LRRC7: variants seen among roughly 807,000 people sequenced by gnomAD.
The protein encoded by LRRC7 is leucine-rich repeat-containing protein 7.
In LRRC7, 23 loss-of-function variants were observed where a neutral mutation model predicts 175.7. The observed-to-expected ratio is 0.13, with a 90% CI of 0.09 to 0.19. The LOEUF (loss-of-function observed/expected upper bound fraction) is 0.19. Among genes scored for constraint, LRRC7 ranks in the 10% least tolerant of loss-of-function variants. The pLI is 1.00. For synonymous variants in LRRC7, 685 were observed against 680.9 expected (o/e 1.01, Z -0.09); for missense variants, 1,354 against 1,904.7 (o/e 0.71, Z 5.38).
intron 25 of LRRC7, among the ~76,000 whole-genome samples, chr1:70,103,303 G>A (rs1664926414): frequency 6.6e-6 from 1 of 152,054 alleles, no homozygotes; most frequent in Admixed American, 6.5e-5. Context: ...GGACTTTGCA[G>A]ATGTGGTGAA....
chr1:70,058,722 A>G (rs1256727647), intron 23 of LRRC7, among the ~76,000 whole-genome samples: 1 of 152,238 alleles, frequency 6.6e-6, no homozygotes, highest in Non-Finnish European at 1.5e-5. Context: ...TTACTTGCCA[A>G]GCTCACCTGG....
chr1:69,904,575 T>C (rs1646237422), intron 7 of LRRC7, among the ~76,000 whole-genome samples: 1 of 58,974 alleles, frequency 1.7e-5, no homozygotes. Context: ...GTATTTCGAG[T>C]AACATAAAAA....
chr1:69,625,067 CATT>C (rs1651261074), intron 1 of LRRC7, among the ~76,000 whole-genome samples: 1 of 151,952 alleles, frequency 6.6e-6, no homozygotes, highest in African/African-American at 2.4e-5. Flanking sequence ...ATAAGGCTGG[CATT>C]ATTTTTTCTT....
chr1:69,894,258 C>T (rs1319281536), intron 7 of LRRC7, among the ~76,000 whole-genome samples: 1 of 152,200 alleles, frequency 6.6e-6, no homozygotes, highest in Non-Finnish European at 1.5e-5. Context: ...AATAAAGAAA[C>T]TAAAACACAA....
chr1:69,688,390 G>A (rs1400092008), intron 2 of LRRC7, among the ~76,000 whole-genome samples: 2 of 152,112 alleles, frequency 1.3e-5, no homozygotes, highest in Non-Finnish European at 2.9e-5. Flanking sequence ...ATGACCTGGT[G>A]CTACTGTGGT....
At chr1:69,689,601 T>G (rs1661591704) in intron 2 of LRRC7, among the ~76,000 whole-genome samples, 1 of 152,176 alleles carries the variant, frequency 6.6e-6, no homozygotes, top group African/African-American at 2.4e-5. Flanking sequence ...GTGCATTCAT[T>G]CCAGTCTTCC....
chr1:70,038,335 T>A lies in LRRC7; in HGVS notation c.2511T>A (p.Ser837=), dbSNP rs1659530578. The part of the protein sequence containing the change: ...ANSNPLLSSK[S]RSTSSHGRRP... Reference sequence around the variant, plus strand: ...GTAATCCTCTCTTAAGTTCGAAATCTAGAAGCACATCTTCGCATGGACGCA... The same window carrying A: ...GTAATCCTCTCTTAAGTTCGAAATCAAGAAGCACATCTTCGCATGGACGCA... The change falls in exon 21 of 27, where the codon TCT becomes TCA. Residue 837 remains serine (S), a synonymous_variant. Coordinates refer to ENST00000651989, the MANE Select transcript of LRRC7 (RefSeq NM_001370785.2). 7 of 1,614,138 alleles carry A rather than the reference T, an allele frequency of 4.3e-6. No individual in the cohort carries two copies. The highest frequency in any genetic ancestry group is 5.1e-6 in the Non-Finnish European group (6 of 1,180,020).
chr1:69,750,098 A>ATAAATAC (rs1252780270), intron 2 of LRRC7, among the ~76,000 whole-genome samples: 2 of 150,914 alleles, frequency 1.3e-5, no homozygotes, highest in African/African-American at 4.9e-5. Context: ...ATAAATAATA[A>ATAAATAC]TAACTGAAAA....
chr1:69,760,341 G>T lies in LRRC7; in HGVS notation c.251G>T (p.Arg84Leu). The T allele has an allele frequency of 6.2e-7, 1 of 1,612,730 alleles. No homozygotes were observed. Among genetic ancestry groups the T allele is most frequent in the South Asian group, 1.1e-5 (1 of 91,032 alleles). ...CCAAAGGAGGTCTTTAACTTCGAAC[G>T]AACATTAGAGGAGCTTTATCTAGAT... is the stretch of plus-strand genomic sequence containing the variant. ...QVPKEVFNFE[R>L]TLEELYLDAN... The change falls in exon 3 of 27, where the codon CGA becomes CTA. Residue 84 changes from arginine (R) to leucine (L), a missense_variant. Physicochemically the swap from Arg to Leu is moderately radical, Grantham distance 102. Around this residue, in one of 4 missense-constraint regions of LRRC7, gnomAD observed 201 missense variants for 481.4 expected, o/e 0.42. Coordinates refer to ENST00000651989, the MANE Select transcript of LRRC7 (RefSeq NM_001370785.2).
At chr1:69,755,451 C>T (rs868350413) in intron 2 of LRRC7, among the ~76,000 whole-genome samples, 10 of 144,788 alleles carry the variant, frequency 6.9e-5, no homozygotes, top group Middle Eastern at 3.7e-3. Flanking sequence ...TAAAAGGAGA[C>T]ATCAGCAGAT....
chr1:69,809,815 A>C (rs1335214860), intron 4 of LRRC7, among the ~76,000 whole-genome samples: 2 of 152,116 alleles, frequency 1.3e-5, no homozygotes, highest in Non-Finnish European at 2.9e-5. Flanking sequence ...CACAGCCATT[A>C]TACTGAATGG....
At chr1:69,889,034 A>G (rs1169214210) in intron 7 of LRRC7, among the ~76,000 whole-genome samples, 1 of 152,336 alleles carries the variant, frequency 6.6e-6, no homozygotes, top group African/African-American at 2.4e-5. Context: ...TAGTCTATTA[A>G]GTGTACAATA....
At chr1:70,013,246 T>C (rs1212262490) in intron 13 of LRRC7, among the ~76,000 whole-genome samples, 157 bp downstream of exon 13, 1 of 151,922 alleles carries the variant, frequency 6.6e-6, no homozygotes, top group Non-Finnish European at 1.5e-5. Flanking sequence ...AAATTATTTT[T>C]TAAACCAAGT....
intron 2 of LRRC7, among the ~76,000 whole-genome samples, chr1:69,695,288 C>T (rs1192558914): frequency 6.6e-6 from 1 of 152,158 alleles, no homozygotes; most frequent in Non-Finnish European, 1.5e-5. Context: ...TGAGTGATGA[C>T]TTAGAGTATC....
Position 70,039,121 on chromosome 1 carries a change from G to A in LRRC7, c.3297G>A (p.Gln1099=), listed in dbSNP as rs2102027888. The A allele has an allele frequency of 1.2e-6, 2 of 1,614,126 alleles. No homozygotes were observed. The highest frequency in any genetic ancestry group is 1.7e-6 in the Non-Finnish European group (2 of 1,180,006). ...AACACAATCCCGAGTACGTGCAACA[G>A]GCCAGCAAAAACATCGCCAAGGATT... ...PFQHNPEYVQ[Q]ASKNIAKDLI... The change falls in exon 21 of 27, where the codon CAG becomes CAA. Residue 1099 remains glutamine (Q), a synonymous_variant. Transcript: ENST00000651989.
At chr1:69,998,865 A>G (rs1250157830) in intron 11 of LRRC7, among the ~76,000 whole-genome samples, 1 of 152,294 alleles carries the variant, frequency 6.6e-6, no homozygotes, top group African/African-American at 2.4e-5. Context: ...AGGACCTCCC[A>G]GCTTTTTCTG....
chr1:70,088,844 T>C (rs1663805903), intron 24 of LRRC7, among the ~76,000 whole-genome samples: 1 of 152,164 alleles, frequency 6.6e-6, no homozygotes, highest in Non-Finnish European at 1.5e-5. Context: ...ATTATTGCTA[T>C]AATTTTTACT....
At chr1:69,590,709 A>T (rs1396564932) in intron 1 of LRRC7, among the ~76,000 whole-genome samples, 2 of 152,162 alleles carry the variant, frequency 1.3e-5, no homozygotes, top group African/African-American at 2.4e-5. Context: ...TGCCAGCCAT[A>T]GGCTAATTGC....
intron 7 of LRRC7, among the ~76,000 whole-genome samples, chr1:69,903,684 A>T (rs1291000139): frequency 1.3e-5 from 2 of 152,196 alleles, no homozygotes; most frequent in Admixed American, 6.5e-5. Context: ...AGATAGAGAC[A>T]CAAAAAACCC....
Sources: allele counts gnomAD v4.1 joint callset (sites outside exome capture counted in the v4.1 genomes callset), GRCh38; gene constraint gnomAD v4.1.1; regional missense constraint gnomAD v4.1.1; transcripts MANE v1.5; gene names NCBI Gene and HGNC (gene_info 2026-07-23, HGNC 2026-07-21).